Variants in SYT17 observed in about 807,000 individuals in gnomAD.
SYT17 encodes the protein synaptotagmin-17.
In SYT17, 22 loss-of-function variants were observed where a neutral mutation model predicts 46.7. That is an observed-to-expected ratio of 0.47 (90% CI 0.34 to 0.67). The LOEUF (loss-of-function observed/expected upper bound fraction) is 0.67, where lower values mean the gene tolerates loss of function less well. Ranked by LOEUF, SYT17 falls within the 30% of genes least tolerant of loss-of-function variation. The pLI is 0.01. For synonymous variants in SYT17, 251 were observed against 248.4 expected (o/e 1.01, Z -0.10); for missense variants, 519 against 612.8 (o/e 0.85, Z 1.62).
chr16:19,240,181 C>G (rs567699945), intron 7 of SYT17, among the ~76,000 whole-genome samples: 1 of 152,194 alleles, frequency 6.6e-6, no homozygotes. Context: ...AAACAAGGGG[C>G]GTGTTTCAGC....
chr16:19,249,880 C>A, intron 7 of SYT17: 1 of 1,501,426 alleles, frequency 6.7e-7, no homozygotes, highest in South Asian at 1.3e-5. Flanking sequence ...TCATCCAGGT[C>A]GTCTTGTCTT....
chr16:19,193,197 C>A (rs907995114), intron 5 of SYT17, among the ~76,000 whole-genome samples: 1 of 152,088 alleles, frequency 6.6e-6, no homozygotes, highest in East Asian at 1.9e-4. Flanking sequence ...AGGGTGCACC[C>A]AATACAGGGC....
At chr16:19,243,953 G>A (rs1415193529) in intron 7 of SYT17, among the ~76,000 whole-genome samples, 1 of 151,414 alleles carries the variant, frequency 6.6e-6, no homozygotes, top group Non-Finnish European at 1.5e-5. Context: ...AGGGCAAGTT[G>A]TACTTTTCCA....
chr16:19,266,500 C>A (rs1969366364), intron 7 of SYT17, among the ~76,000 whole-genome samples: 1 of 152,232 alleles, frequency 6.6e-6, no homozygotes, highest in Admixed American at 6.5e-5. Context: ...GCTCACTGTT[C>A]CACTAGAACT....
intron 5 of SYT17, among the ~76,000 whole-genome samples, chr16:19,212,674 C>A (rs949965234): frequency 1.3e-5 from 2 of 152,092 alleles, no homozygotes; most frequent in African/African-American, 4.8e-5. Context: ...GGCATGGTTC[C>A]GTTTTCTTTT....
intron 5 of SYT17, among the ~76,000 whole-genome samples, chr16:19,200,388 A>C (rs1412475161): frequency 6.6e-6 from 1 of 152,256 alleles, no homozygotes; most frequent in Admixed American, 6.5e-5. Context: ...CATTTCCACA[A>C]GTCATCAAAG....
Position 19,184,001 on chromosome 16 carries a change from G to T in SYT17, c.805G>T (p.Ala269Ser), listed in dbSNP as rs760072193. Reference protein sequence around the residue: ...RYTFEIPFLEAQRRTLLLTVV... With the variant: ...RYTFEIPFLESQRRTLLLTVV... Reference sequence around the variant, plus strand: ...CACCTTCGAGATCCCCTTCCTGGAGGCCCAGAGGAGGACCCTGCTCCTGAC... The same window carrying T: ...CACCTTCGAGATCCCCTTCCTGGAGTCCCAGAGGAGGACCCTGCTCCTGAC... Residue 269 changes from alanine to serine, a missense_variant, in exon 5 of 8, where the codon GCC (alanine) becomes TCC (serine). By Grantham distance (99) the Ala-to-Ser change is moderately conservative. Transcript: ENST00000355377. 123 of 1,613,978 alleles carry T rather than the reference G, an allele frequency of 7.6e-5. 5 individuals are homozygous for T. The highest frequency in any genetic ancestry group is 1.9e-4 in the South Asian group (17 of 91,072).
chr16:19,200,982 C>G (rs933859396), intron 5 of SYT17, among the ~76,000 whole-genome samples: 1 of 152,126 alleles, frequency 6.6e-6, no homozygotes, highest in African/African-American at 2.4e-5. Context: ...GAGGGGGGAC[C>G]AGCTGGGGGG....
chr16:19,176,755 A>T (rs1160157527), intron 3 of SYT17, among the ~76,000 whole-genome samples: 1 of 152,162 alleles, frequency 6.6e-6, no homozygotes, highest in East Asian at 1.9e-4. Context: ...GACCTCAAGC[A>T]GTCCTCCCAC....
intron 7 of SYT17, among the ~76,000 whole-genome samples, chr16:19,236,375 G>C (rs893400485): frequency 1.3e-5 from 2 of 152,042 alleles, no homozygotes; most frequent in African/African-American, 2.4e-5. Flanking sequence ...TTTTCAGCTG[G>C]GGAAACTCGA....
chr16:19,255,621 TA>T (rs929230943), intron 7 of SYT17, among the ~76,000 whole-genome samples: 16 of 149,254 alleles, frequency 1.1e-4, no homozygotes, highest in East Asian at 7.8e-4. Context: ...ACCCCATGTC[TA>T]AAAAAAAAAT....
At chr16:19,205,713 C>G (rs1264902871) in intron 5 of SYT17, among the ~76,000 whole-genome samples, 1 of 152,176 alleles carries the variant, frequency 6.6e-6, no homozygotes, top group East Asian at 1.9e-4. Context: ...AACTCCTGAC[C>G]TCAAGTGATC....
rs1968318778 is a variant in SYT17, at chr16:19,253,263, A to G, written c.1229-13617A>G. On this transcript the variant is annotated intron_variant, in intron 7 of 7. Transcript: ENST00000355377. The stretch of plus-strand genomic sequence containing the variant: ...TATTTACTCTCTGGCCCTTTATAGA[A>G]AAAGTATGTTGGCCTGGTATGGTGG... Among the ~76,000 whole-genome samples, 3 of 152,310 alleles carry G rather than the reference A, an allele frequency of 2.0e-5. No individual in the cohort carries two copies. The South Asian group carries it at 6.2e-4, about 32-fold the overall frequency.
rs1384624922 is a variant in SYT17 at position 19,180,628 on chromosome 16, C to T, written c.331+89C>T. On this transcript the variant is annotated intron_variant, in intron 4 of 7. Coordinates refer to ENST00000355377, the MANE Select transcript of SYT17 (RefSeq NM_016524.4). ...AGAGTCATGAAGGGCAGTGTTATTGCTGGGGGAGGGCGGCAGAGTGGGATG... is the reference window on the plus strand; with the variant it reads ...AGAGTCATGAAGGGCAGTGTTATTGTTGGGGGAGGGCGGCAGAGTGGGATG... 3.3e-6 allele frequency: 5 copies of T among 1,523,750 alleles called. No homozygotes were observed. In the African/African-American group the frequency reaches 5.4e-5, roughly 17 times the overall value. 94.4% of individuals were successfully genotyped at this position (1,523,750 alleles called of 1,614,324 possible).
intron 5 of SYT17, among the ~76,000 whole-genome samples, chr16:19,220,303 C>CTTTTTTTTTTTTTTTTTTTTTTTTTT (rs1555459738): frequency 5.0e-5 from 4 of 80,496 alleles, no homozygotes; most frequent in African/African-American, 2.0e-4. Flanking sequence ...TTCTTTCTTT[C>CTTTTTTTTTTTTTTTTTTTTTTTTTT]TTTTTTTTTT....
chr16:19,189,333 CCTGT>C (rs1232073059), intron 5 of SYT17, among the ~76,000 whole-genome samples: 2 of 147,860 alleles, frequency 1.4e-5, no homozygotes, highest in Non-Finnish European at 3.0e-5. Flanking sequence ...AGGACCTCAA[CCTGT>C]CTTTTTTTTT....
At chr16:19,173,780 C>G (rs1964203732) in intron 3 of SYT17, among the ~76,000 whole-genome samples, 1 of 152,066 alleles carries the variant, frequency 6.6e-6, no homozygotes. Flanking sequence ...CTGGCGAGAC[C>G]AGCTGGTGGT....
intron 7 of SYT17, among the ~76,000 whole-genome samples, chr16:19,263,697 A>G (rs1055763919): frequency 1.3e-5 from 2 of 152,042 alleles, no homozygotes. Flanking sequence ...TGTTTACAGT[A>G]GCATTATCCA....
intron 5 of SYT17, among the ~76,000 whole-genome samples, chr16:19,220,642 G>C (rs915741530): frequency 2.0e-5 from 3 of 152,048 alleles, no homozygotes; most frequent in African/African-American, 7.2e-5. Context: ...AATTTATTGA[G>C]GACCATCATG....
Sources: allele counts gnomAD v4.1 joint callset (sites outside exome capture counted in the v4.1 genomes callset), GRCh38; gene constraint gnomAD v4.1.1; transcripts MANE v1.5; gene names NCBI Gene and HGNC (gene_info 2026-07-23, HGNC 2026-07-21).